The following DST variants were observed in gnomAD, a reference collection of about 807,000 sequenced individuals.
The protein encoded by DST is bullous pemphigoid antigen.
A neutral mutation model predicts 875.2 loss-of-function variants in DST; 253 were observed. The ratio of observed to expected loss-of-function variants is 0.29; its 90% confidence interval spans 0.26 to 0.32. The LOEUF (loss-of-function observed/expected upper bound fraction) is 0.32, where lower values mean the gene tolerates loss of function less well. Among genes scored for constraint, DST ranks in the 10% least tolerant of loss-of-function variants. The probability of loss-of-function intolerance (pLI) is 1.00; values close to 1 mark genes in which losing one functional copy is unlikely to be tolerated. For missense variants in DST, 8,287 were observed against 9,111.6 expected, an observed-to-expected ratio of 0.91 and a Z score of 3.68; for synonymous variants, 3,124 against 3,197.1, an observed-to-expected ratio of 0.98 and a Z score of 0.77.
chr6:56,624,426 C>T (rs777380122), intron 36 of DST, 104 bp downstream of exon 36: 10 of 779,500 alleles, frequency 1.3e-5, no homozygotes, highest in Admixed American at 1.3e-4. Context: ...CTACCGGCCA[C>T]ATAAATTTAT....
intron 10 of DST, among the ~76,000 whole-genome samples, chr6:56,657,273 C>G (rs1052812107): frequency 6.6e-6 from 1 of 152,090 alleles, no homozygotes; most frequent in Admixed American, 6.6e-5. Context: ...AACCTTTTAA[C>G]TCTTTTTCAG....
At chr6:56,612,955 G>A (rs1471385013) in intron 37 of DST, among the ~76,000 whole-genome samples, 2 of 152,052 alleles carry the variant, frequency 1.3e-5, no homozygotes, top group African/African-American at 4.8e-5. Flanking sequence ...CTTGAGCTTG[G>A]GAGGTTGCGG....
At chr6:56,462,132 T>C (rs2094362554) in intron 102 of DST, 1 of 152,246 alleles carries the variant, frequency 6.6e-6, no homozygotes, top group Admixed American at 6.5e-5. Flanking sequence ...ACGTCCTTTA[T>C]CATTAAGGTG....
chr6:56,588,032 T>C (rs2152676043), intron 49 of DST, among the ~76,000 whole-genome samples: 1 of 151,980 alleles, frequency 6.6e-6, no homozygotes, highest in South Asian at 2.1e-4. Context: ...GCTAACATCA[T>C]AATGACAGGA....
intron 30 of DST, among the ~76,000 whole-genome samples, chr6:56,630,984 T>C (rs1408211004): frequency 6.6e-6 from 1 of 152,072 alleles, no homozygotes; most frequent in Non-Finnish European, 1.5e-5. Flanking sequence ...GGTTCCACCA[T>C]GTTGGCCAAG....
Position 56,781,354 on chromosome 6 carries a change from G to A in DST, c.626-46065C>T, listed in dbSNP as rs572864483. Among the ~76,000 whole-genome samples, 93 of 152,300 alleles carry A rather than the reference G, an allele frequency of 6.1e-4. 1 individual carries two copies. The highest frequency in any genetic ancestry group is 1.4e-3 in the Admixed American group (22 of 15,292). On this transcript the variant is annotated intron_variant, in intron 4 of 103. Transcript: ENST00000680361. ...AGATATTGATTCTTCCTACCCATGA[G>A]CATGGAATGTTCTTCCATTCGTTTG...
chr6:56,758,833 G>GC (rs1296503986), intron 4 of DST, among the ~76,000 whole-genome samples: 3 of 152,222 alleles, frequency 2.0e-5, no homozygotes, highest in Non-Finnish European at 4.4e-5. Context: ...GGCAGAGGCT[G>GC]CATCACCTTT....
intron 9 of DST, among the ~76,000 whole-genome samples, chr6:56,683,168 C>G (rs768733581): frequency 5.3e-5 from 8 of 152,318 alleles, no homozygotes; most frequent in Non-Finnish European, 1.0e-4. Context: ...CCCATTTTCT[C>G]TCTTCCCACT....
chr6:56,626,639 TA>T (rs1350677248), intron 34 of DST, among the ~76,000 whole-genome samples: 1 of 152,136 alleles, frequency 6.6e-6, no homozygotes, highest in African/African-American at 2.4e-5. Context: ...AGAGCAAAAT[TA>T]CATTTTTAGG....
intron 3 of DST, among the ~76,000 whole-genome samples, chr6:56,855,240 A>G (rs1464910927): frequency 6.6e-6 from 1 of 152,198 alleles, no homozygotes; most frequent in Non-Finnish European, 1.5e-5. Flanking sequence ...CATATAATAA[A>G]ACCAATTTTA....
chr6:56,654,927 G>T (rs191468136), intron 10 of DST, among the ~76,000 whole-genome samples: 1 of 152,040 alleles, frequency 6.6e-6, no homozygotes, highest in Non-Finnish European at 1.5e-5. Flanking sequence ...TTTGGAGGCC[G>T]AGATGGGAGG....
intron 15 of DST, among the ~76,000 whole-genome samples, chr6:56,644,276 G>C (rs1022975557): frequency 1.3e-5 from 2 of 151,994 alleles, no homozygotes; most frequent in African/African-American, 2.4e-5. Context: ...TTTATGGCTT[G>C]TTTTGGTTTT....
chr6:56,912,540 G>A (rs891448723), intron 2 of DST, among the ~76,000 whole-genome samples: 5 of 151,966 alleles, frequency 3.3e-5, no homozygotes, highest in Non-Finnish European at 5.9e-5. Context: ...ACCTAAAATC[G>A]GTGATGGCTG....
At chr6:56,726,820 A>G (rs77454773) in intron 5 of DST, among the ~76,000 whole-genome samples, 3 of 152,310 alleles carry the variant, frequency 2.0e-5, no homozygotes, top group East Asian at 1.9e-4. Context: ...ATATTCATTC[A>G]TTACACATCA....
chr6:56,927,083 A>G (rs1807580165), intron 2 of DST, among the ~76,000 whole-genome samples: 1 of 152,240 alleles, frequency 6.6e-6, no homozygotes, highest in African/African-American at 2.4e-5. Context: ...AAAGGGCACC[A>G]GAGACATGCT....
intron 57 of DST, among the ~76,000 whole-genome samples, 199 bp downstream of exon 57, chr6:56,561,109 C>T (rs1193153429): frequency 6.6e-6 from 1 of 152,120 alleles, no homozygotes; most frequent in Non-Finnish European, 1.5e-5. Context: ...TATGACATGG[C>T]TGTGCCAAAA....
chr6:56,559,386 T>C (rs887599012), intron 58 of DST, among the ~76,000 whole-genome samples: 4 of 152,154 alleles, frequency 2.6e-5, no homozygotes, highest in Non-Finnish European at 5.9e-5. Context: ...GGATTAAATA[T>C]ATCTTTGAAC....
intron 3 of DST, among the ~76,000 whole-genome samples, chr6:56,877,181 A>T (rs952590294): frequency 6.6e-6 from 1 of 152,238 alleles, no homozygotes; most frequent in Admixed American, 6.5e-5. Flanking sequence ...TAAACCCATC[A>T]TCCCACCCCA....
At chr6:56,601,422 A>G (rs200241466) in intron 44 of DST, 21 bp downstream of exon 44, 96 of 1,497,724 alleles carry the variant, frequency 6.4e-5, no homozygotes, top group Middle Eastern at 1.7e-4. Flanking sequence ...ATGAATGCCA[A>G]CTCCACGAAG....
Sources: gnomAD v4.1 joint callset for allele counts (sites outside exome capture counted in the v4.1 genomes callset) on GRCh38, gnomAD v4.1.1 for gene constraint, MANE v1.5 for transcripts, NCBI Gene and HGNC (gene_info 2026-07-23, HGNC 2026-07-21) for gene names.